The following ACSS3 variants were observed in gnomAD, a reference collection of about 807,000 sequenced individuals.
The protein encoded by ACSS3 is acyl-CoA synthetase short-chain family member 3, mitochondrial.
ACSS3 carries 64 observed loss-of-function variants against 84.2 expected under a neutral mutation model. The ratio of observed to expected loss-of-function variants is 0.76; its 90% CI spans 0.62 to 0.94. ACSS3 has a LOEUF of 0.94. ACSS3 is among the 40% of genes least tolerant of loss of function. ACSS3 has a pLI of 0.00. For synonymous variants in ACSS3, 317 were observed against 310.1 expected (o/e 1.02, Z -0.23); for missense variants, 815 against 867.6 (o/e 0.94, Z 0.76).
chr12:81,086,533 G>A (rs932530665), intron 1 of ACSS3, among the ~76,000 whole-genome samples: 1 of 152,120 alleles, frequency 6.6e-6, no homozygotes, highest in Non-Finnish European at 1.5e-5. Context: ...GGATTGCCTG[G>A]CAAATGGCGC....
intron 5 of ACSS3, among the ~76,000 whole-genome samples, chr12:81,150,665 G>A (rs547851498): frequency 6.6e-6 from 1 of 152,298 alleles, no homozygotes; most frequent in South Asian, 2.1e-4. Context: ...AAGAGACCAG[G>A]TGTTGTTACA....
intron 3 of ACSS3, among the ~76,000 whole-genome samples, chr12:81,136,230 A>G (rs1210310083): frequency 3.3e-5 from 5 of 152,180 alleles, no homozygotes; most frequent in Admixed American, 2.0e-4. Flanking sequence ...AATGTTAACT[A>G]TTATTAATCT....
chr12:81,254,019 A>T (rs1040851551), intron 15 of ACSS3, among the ~76,000 whole-genome samples: 2 of 152,076 alleles, frequency 1.3e-5, no homozygotes, highest in Non-Finnish European at 2.9e-5. Flanking sequence ...CAAAGTTCTG[A>T]TCTAAAGAGA....
intron 8 of ACSS3, among the ~76,000 whole-genome samples, chr12:81,178,988 GC>G (rs1256263217): frequency 1.3e-5 from 2 of 151,954 alleles, no homozygotes; most frequent in East Asian, 1.9e-4. Context: ...CAGAAATAAA[GC>G]TACAGATGTA....
In ACSS3 at chr12:81,230,654, AAGAT is replaced by A. The variant is rs1047415280; in HGVS notation, c.1515-402_1515-399del. The stretch of plus-strand genomic sequence containing the variant: ...ATTCTATTACACAGAGAGACAGGCA[AAGAT>A]GACAATATCTTAGTACTTCAAAAAA... On this transcript the variant is annotated intron_variant, in intron 11 of 15. Transcript: ENST00000548058. 2.9e-4 allele frequency among the ~76,000 whole-genome samples: 44 copies of A among 152,018 alleles called. 1 individual carries two copies. Among genetic ancestry groups the A allele is most frequent in the East Asian group, 1.9e-3 (10 of 5,144 alleles).
intron 12 of ACSS3, among the ~76,000 whole-genome samples, chr12:81,231,949 TA>T (rs1372847629): frequency 6.6e-6 from 1 of 150,428 alleles, no homozygotes; most frequent in African/African-American, 2.4e-5. Flanking sequence ...AGAATTTCAC[TA>T]AAAAAGTTTG....
At chr12:81,202,899 G>A (rs1270063133) in intron 9 of ACSS3, among the ~76,000 whole-genome samples, 1 of 152,202 alleles carries the variant, frequency 6.6e-6, no homozygotes, top group Non-Finnish European at 1.5e-5. Flanking sequence ...GGGTTCTCCA[G>A]AGAGACAGAA....
intron 8 of ACSS3, among the ~76,000 whole-genome samples, chr12:81,190,360 T>A (rs920950529): frequency 1.3e-5 from 2 of 152,074 alleles, no homozygotes; most frequent in African/African-American, 4.8e-5. Flanking sequence ...TCTTTTTATA[T>A]TTAAGAAATT....
intron 8 of ACSS3, among the ~76,000 whole-genome samples, chr12:81,182,889 T>C (rs1045778549): frequency 6.6e-6 from 1 of 152,158 alleles, no homozygotes; most frequent in Non-Finnish European, 1.5e-5. Flanking sequence ...TAAATGCTTG[T>C]CAAATGCACA....
chr12:81,127,109 G>A (rs984122416), intron 2 of ACSS3, among the ~76,000 whole-genome samples: 6 of 151,460 alleles, frequency 4.0e-5, no homozygotes, highest in Admixed American at 1.3e-4. Context: ...TTCTTTTTTA[G>A]ATAACATCTC....
intron 9 of ACSS3, among the ~76,000 whole-genome samples, chr12:81,214,609 A>G (rs1044921461): frequency 5.9e-5 from 9 of 152,224 alleles, no homozygotes; most frequent in Admixed American, 5.2e-4. Context: ...GGAGGTTCGT[A>G]TATCAGCTTA....
intron 1 of ACSS3, among the ~76,000 whole-genome samples, chr12:81,081,520 T>G (rs768458159): frequency 4.5e-4 from 69 of 152,268 alleles, no homozygotes; most frequent in Non-Finnish European, 8.2e-4. Flanking sequence ...AACAACAAAG[T>G]GGAAGTTTCT....
chr12:81,196,275 C>T (rs1048616942), intron 8 of ACSS3, among the ~76,000 whole-genome samples: 1 of 152,130 alleles, frequency 6.6e-6, no homozygotes, highest in Non-Finnish European at 1.5e-5. Context: ...CCTCTGGCCT[C>T]ATGTGGTTAT....
chr12:81,157,349 C>T (rs1447764620), intron 7 of ACSS3, among the ~76,000 whole-genome samples: 1 of 152,134 alleles, frequency 6.6e-6, no homozygotes, highest in African/African-American at 2.4e-5. Context: ...TTGAAAGGAA[C>T]TTCCTCAACC....
intron 7 of ACSS3, among the ~76,000 whole-genome samples, chr12:81,157,547 G>A (rs992589642): frequency 2.0e-5 from 3 of 152,286 alleles, no homozygotes; most frequent in South Asian, 2.1e-4. Context: ...GGTGGCTCAC[G>A]CCTGTAATCC....
rs1192015463 is a variant in ACSS3, at chr12:81,254,976, ATTAT to A, written c.*57_*60del. On this transcript the variant is annotated 3_prime_UTR_variant, in exon 16 of 16. Coordinates refer to ENST00000548058, the MANE Select transcript of ACSS3 (RefSeq NM_024560.4). Reference sequence around the variant, plus strand: ...GATTTAATTTCTTAATTGAAATTAAATTATTTGAGTTGTTTCTCAGAAATAAATA... The same window carrying A: ...GATTTAATTTCTTAATTGAAATTAAATTGAGTTGTTTCTCAGAAATAAATA... The A allele has an allele frequency of 2.2e-6, 3 of 1,381,220 alleles. No homozygotes were observed. Among genetic ancestry groups the A allele is most frequent in the Admixed American group, 2.3e-5 (1 of 43,924 alleles). 85.6% of individuals were successfully genotyped at this position (1,381,220 alleles called of 1,614,324 possible). A position where few individuals can be genotyped will look rare whatever the true frequency, so the allele number is the denominator to read the frequency against.
intron 2 of ACSS3, among the ~76,000 whole-genome samples, chr12:81,127,534 A>G (rs1398165185): frequency 6.6e-6 from 1 of 152,192 alleles, no homozygotes; most frequent in African/African-American, 2.4e-5. Context: ...AACTCTTTCT[A>G]TGGAAATTAT....
intron 9 of ACSS3, among the ~76,000 whole-genome samples, chr12:81,203,512 T>C (rs1363634151): frequency 6.6e-6 from 1 of 152,176 alleles, no homozygotes; most frequent in African/African-American, 2.4e-5. Flanking sequence ...ACATCCTCTT[T>C]ATTTCATTAA....
At chr12:81,252,467 TAA>T (rs747140527) in intron 13 of ACSS3, among the ~76,000 whole-genome samples, 37 of 152,058 alleles carry the variant, frequency 2.4e-4, no homozygotes, top group Non-Finnish European at 2.2e-4. Flanking sequence ...TGCTGTTGGT[TAA>T]AAGTTTGCTC....
Sources: allele counts gnomAD v4.1 joint callset (sites outside exome capture counted in the v4.1 genomes callset), GRCh38; gene constraint gnomAD v4.1.1; transcripts MANE v1.5; gene names NCBI Gene and HGNC (gene_info 2026-07-23, HGNC 2026-07-21).